Variants in ZNF385B observed in about 807,000 individuals in gnomAD.
The protein encoded by ZNF385B is zinc finger protein 533.
Under a neutral mutation model 39.2 loss-of-function variants are expected in ZNF385B, and 23 were observed. That is an observed-to-expected ratio of 0.59 (90% CI 0.42 to 0.83). The LOEUF (loss-of-function observed/expected upper bound fraction) is 0.83. Among genes scored for constraint, ZNF385B ranks in the 40% least tolerant of loss-of-function variants. ZNF385B has a pLI of 0.00. For synonymous variants in ZNF385B, 205 were observed against 222.6 expected (o/e 0.92, Z 0.70); for missense variants, 552 against 598.9 (o/e 0.92, Z 0.82).
chr2:179,837,154 C>G (rs538549026), intron 1 of ZNF385B, among the ~76,000 whole-genome samples: 61 of 152,274 alleles, frequency 4.0e-4, no homozygotes, highest in Admixed American at 7.8e-4. Flanking sequence ...TGATAAAACT[C>G]AGAATCATTT....
chr2:179,812,539 C>T (rs944903250), intron 1 of ZNF385B, among the ~76,000 whole-genome samples: 3 of 152,060 alleles, frequency 2.0e-5, no homozygotes, highest in Non-Finnish European at 4.4e-5. Flanking sequence ...AGTAACACAC[C>T]AACTGAAAAC....
chr2:179,699,096 C>A (rs1032478499), intron 3 of ZNF385B, among the ~76,000 whole-genome samples: 8 of 127,186 alleles, frequency 6.3e-5, no homozygotes, highest in Non-Finnish European at 1.1e-4. Context: ...CTTTGGGAGA[C>A]AATTAAAAAT....
intron 1 of ZNF385B, among the ~76,000 whole-genome samples, chr2:179,778,228 A>G (rs1704456916): frequency 6.6e-6 from 1 of 152,222 alleles, no homozygotes; most frequent in Admixed American, 6.5e-5. Context: ...TCTGCCCTGC[A>G]TGGCACTGCT....
chr2:179,488,138 A>T (rs923354183), intron 5 of ZNF385B, among the ~76,000 whole-genome samples: 2 of 151,602 alleles, frequency 1.3e-5, no homozygotes, highest in African/African-American at 2.4e-5. Context: ...TACCTTACTT[A>T]TTTCTTTTCT....
At chr2:179,708,882 T>G (rs986526147) in intron 3 of ZNF385B, among the ~76,000 whole-genome samples, 1 of 152,194 alleles carries the variant, frequency 6.6e-6, no homozygotes, top group East Asian at 1.9e-4. Flanking sequence ...CAGCCCTGTA[T>G]GGCCCCTGTG....
intron 3 of ZNF385B, among the ~76,000 whole-genome samples, chr2:179,691,760 T>C (rs572185168): frequency 4.2e-4 from 64 of 152,314 alleles, no homozygotes; most frequent in African/African-American, 1.4e-3. Flanking sequence ...GAGGTGTTCA[T>C]TGGACACATT....
At chr2:179,845,767 C>T (rs1708769807) in intron 1 of ZNF385B, among the ~76,000 whole-genome samples, 2 of 152,158 alleles carry the variant, frequency 1.3e-5, no homozygotes, top group Non-Finnish European at 1.5e-5. Context: ...AGAACAAAAT[C>T]ATCCATTATC....
chr2:179,720,160 A>G (rs1471774644), intron 3 of ZNF385B, among the ~76,000 whole-genome samples: 1 of 152,196 alleles, frequency 6.6e-6, no homozygotes, highest in Non-Finnish European at 1.5e-5. Flanking sequence ...TTTAGGCTCA[A>G]TAATGCCTTC....
intron 3 of ZNF385B, among the ~76,000 whole-genome samples, chr2:179,739,348 C>T (rs756640592): frequency 1.7e-4 from 26 of 152,088 alleles, no homozygotes; most frequent in South Asian, 4.2e-4. Flanking sequence ...TGAGGTACCT[C>T]GGGGTTTATC....
intron 3 of ZNF385B, among the ~76,000 whole-genome samples, chr2:179,727,718 A>G (rs2106419384): frequency 6.6e-6 from 1 of 152,220 alleles, no homozygotes. Context: ...TTGAATAACC[A>G]CTATGGAAAA....
At chr2:179,710,793 TAACA>T (rs1276945089) in intron 3 of ZNF385B, among the ~76,000 whole-genome samples, 2 of 152,218 alleles carry the variant, frequency 1.3e-5, no homozygotes, top group Non-Finnish European at 2.9e-5. Context: ...TCTCTCCCTA[TAACA>T]AACAGACTGT....
intron 4 of ZNF385B, among the ~76,000 whole-genome samples, chr2:179,521,033 A>G (rs1422715119): frequency 6.6e-6 from 1 of 152,198 alleles, no homozygotes; most frequent in East Asian, 1.9e-4. Flanking sequence ...ACATTTACGA[A>G]TATCTAGTTT....
At chr2:179,619,196 CA>C (rs1185520296) in intron 3 of ZNF385B, among the ~76,000 whole-genome samples, 2 of 152,176 alleles carry the variant, frequency 1.3e-5, no homozygotes, top group Non-Finnish European at 2.9e-5. Context: ...ATGAACACTT[CA>C]GGTGCATGAA....
chr2:179,745,575 A>T, intron 3 of ZNF385B: 1 of 670,160 alleles, frequency 1.5e-6, no homozygotes, highest in South Asian at 5.3e-5. Flanking sequence ...TTTGCTCTTC[A>T]GCTTTGCTCC....
chr2:179,811,883 C>A (rs1245203705), intron 1 of ZNF385B, among the ~76,000 whole-genome samples: 1 of 151,960 alleles, frequency 6.6e-6, no homozygotes, highest in Admixed American at 6.6e-5. Flanking sequence ...AAGGGAAGAA[C>A]TTATTTATAA....
intron 3 of ZNF385B, among the ~76,000 whole-genome samples, chr2:179,598,614 T>C (rs113025001): frequency 1.3e-5 from 2 of 152,114 alleles, no homozygotes; most frequent in African/African-American, 4.8e-5. Context: ...AAAACCTCTA[T>C]GTATGAGGTG....
At chr2:179,551,154 TA>T (rs2105926500) in intron 3 of ZNF385B, among the ~76,000 whole-genome samples, 1 of 152,176 alleles carries the variant, frequency 6.6e-6, no homozygotes, top group Non-Finnish European at 1.5e-5. Context: ...TCATAATGAA[TA>T]AAATCAAAAT....
At chr2:179,612,041 AT>A (rs1383598947) in intron 3 of ZNF385B, among the ~76,000 whole-genome samples, 1 of 151,762 alleles carries the variant, frequency 6.6e-6, no homozygotes, top group Non-Finnish European at 1.5e-5. Flanking sequence ...TTTCAATTGC[AT>A]TTTTTAATTC....
At chr2:179,841,409 T>C (rs74667888) in intron 1 of ZNF385B, among the ~76,000 whole-genome samples, 2,017 of 152,218 alleles carry the variant, frequency 0.013, 29 homozygotes, top group Non-Finnish European at 0.022. Flanking sequence ...CCAGGATGGT[T>C]TGGTGGGATC....
Sources: gnomAD v4.1 joint callset for allele counts (sites outside exome capture counted in the v4.1 genomes callset) on GRCh38, gnomAD v4.1.1 for gene constraint, MANE v1.5 for transcripts, NCBI Gene and HGNC (gene_info 2026-07-23, HGNC 2026-07-21) for gene names.